CWC27: variants seen among roughly 807,000 people sequenced by gnomAD.
The protein encoded by CWC27 is spliceosome-associated protein CWC27 homolog.
CWC27 carries 47 observed loss-of-function variants against 63.6 expected under a neutral mutation model. The observed-to-expected ratio is 0.74, with a 90% confidence interval of 0.58 to 0.94. The LOEUF is 0.94. Among genes scored for constraint, CWC27 ranks in the 40% least tolerant of loss-of-function variants. CWC27 has a pLI of 0.00. For synonymous variants in CWC27, 175 were observed against 179.8 expected, an observed-to-expected ratio of 0.97 and a Z score of 0.22; for missense variants, 495 against 554.3, an observed-to-expected ratio of 0.89 and a Z score of 1.07.
At chr5:64,858,137 CAAAAA>C (rs529762534) in intron 10 of CWC27, among the ~76,000 whole-genome samples, 1 of 23,092 alleles carries the variant, frequency 4.3e-5, no homozygotes, top group African/African-American at 1.9e-4. Context: ...GACTCCGTCT[CAAAAA>C]AAAAAAAAAA....
intron 11 of CWC27, among the ~76,000 whole-genome samples, chr5:64,891,248 A>G (rs1349360077): frequency 6.6e-6 from 1 of 152,166 alleles, no homozygotes; most frequent in Non-Finnish European, 1.5e-5. Flanking sequence ...TAATCAATTA[A>G]AGATAAAGTT....
chr5:64,832,413 CT>C (rs748529556), intron 10 of CWC27, among the ~76,000 whole-genome samples: 11 of 149,158 alleles, frequency 7.4e-5, no homozygotes, highest in South Asian at 2.1e-4. Context: ...AATAGTTTGT[CT>C]TTTTTTTTTA....
intron 13 of CWC27, among the ~76,000 whole-genome samples, chr5:64,989,220 T>C (rs1327801311): frequency 6.6e-6 from 1 of 152,210 alleles, no homozygotes; most frequent in African/African-American, 2.4e-5. Context: ...CTACCATTTT[T>C]CCAAACCCCT....
At chr5:64,985,260 G>A (rs940165451) in intron 13 of CWC27, among the ~76,000 whole-genome samples, 1 of 151,402 alleles carries the variant, frequency 6.6e-6, no homozygotes, top group Admixed American at 6.6e-5. Flanking sequence ...TAGTTCTTTT[G>A]CCCTTTCCAT....
chr5:64,980,783 A>G (rs896486651), intron 13 of CWC27, among the ~76,000 whole-genome samples: 1 of 152,190 alleles, frequency 6.6e-6, no homozygotes, highest in African/African-American at 2.4e-5. Context: ...TTTACTGATT[A>G]TTATATAACT....
chr5:64,908,740 A>T (rs1747717513), intron 11 of CWC27, among the ~76,000 whole-genome samples: 1 of 152,074 alleles, frequency 6.6e-6, no homozygotes, highest in South Asian at 2.1e-4. Flanking sequence ...TGCTTGGTAG[A>T]TCTTCCTCCA....
intron 10 of CWC27, among the ~76,000 whole-genome samples, chr5:64,851,708 A>C (rs1438551807): frequency 6.6e-6 from 1 of 152,218 alleles, no homozygotes; most frequent in Non-Finnish European, 1.5e-5. Flanking sequence ...AAAATACTAG[A>C]AAATGTTTGA....
At chr5:65,014,419 T>A (rs1750016494) in intron 13 of CWC27, among the ~76,000 whole-genome samples, 1 of 150,758 alleles carries the variant, frequency 6.6e-6, no homozygotes, top group Admixed American at 6.6e-5. Context: ...ATAAAGTCAA[T>A]GTTATTTGAG....
At chr5:64,817,725 C>T (rs1745082158) in intron 10 of CWC27, among the ~76,000 whole-genome samples, 1 of 151,972 alleles carries the variant, frequency 6.6e-6, no homozygotes, top group African/African-American at 2.4e-5. Flanking sequence ...GATATTTGAT[C>T]TCTCCTCCCT....
At chr5:64,843,760 T>G (rs1226344955) in intron 10 of CWC27, among the ~76,000 whole-genome samples, 1 of 152,188 alleles carries the variant, frequency 6.6e-6, no homozygotes, top group East Asian at 1.9e-4. Context: ...TTAACAGAAT[T>G]TTTTATAGTG....
At chr5:64,820,853 G>C (rs1292739152) in intron 10 of CWC27, among the ~76,000 whole-genome samples, 1 of 151,838 alleles carries the variant, frequency 6.6e-6, no homozygotes, top group African/African-American at 2.4e-5. Flanking sequence ...TATGAACTTG[G>C]GGTTTGACAG....
chr5:64,816,673 C>T (rs776351146), intron 10 of CWC27, among the ~76,000 whole-genome samples: 4 of 152,070 alleles, frequency 2.6e-5, no homozygotes, highest in Admixed American at 2.6e-4. Context: ...GATAAACTAC[C>T]TTTCAGGTTG....
intron 11 of CWC27, among the ~76,000 whole-genome samples, chr5:64,903,238 C>T (rs1747547379): frequency 6.6e-6 from 1 of 152,150 alleles, no homozygotes; most frequent in African/African-American, 2.4e-5. Context: ...ATGTTTATTG[C>T]AGCACTATTT....
chr5:64,913,759 A>G (rs1007895888), intron 11 of CWC27, among the ~76,000 whole-genome samples: 1 of 152,070 alleles, frequency 6.6e-6, no homozygotes, highest in African/African-American at 2.4e-5. Flanking sequence ...TCAGTACTGT[A>G]AAGATATTTC....
intron 13 of CWC27, among the ~76,000 whole-genome samples, chr5:65,005,152 C>G (rs983727702): frequency 2.6e-5 from 4 of 151,782 alleles, no homozygotes; most frequent in Admixed American, 6.6e-5. Flanking sequence ...GCAGGCAGGG[C>G]AGGCCTGTCC....
Position 64,961,322 on chromosome 5 carries a change from T to A in CWC27, c.1043-10381T>A, listed in dbSNP as rs567383625. Among the ~76,000 whole-genome samples, 20 of 152,310 alleles carry A rather than the reference T, an allele frequency of 1.3e-4. No homozygotes were observed. In the South Asian group the frequency reaches 4.1e-3, roughly 32 times the overall value. On this transcript the variant is annotated intron_variant, in intron 11 of 13. Transcript: ENST00000381070. ...ATCAACAGGAAGTTAGATTAGAAGA[T>A]CCTCAAGCTACTTCCTAGCTCTTGT...
At chr5:64,964,295 A>G (rs760250263) in intron 11 of CWC27, among the ~76,000 whole-genome samples, 1 of 152,320 alleles carries the variant, frequency 6.6e-6, no homozygotes, top group East Asian at 1.9e-4. Context: ...TAGCAAAATG[A>G]TATGTCTGAG....
chr5:64,957,899 T>C (rs192469280), intron 11 of CWC27, among the ~76,000 whole-genome samples: 270 of 152,268 alleles, frequency 1.8e-3, no homozygotes, highest in South Asian at 4.4e-3. Flanking sequence ...CTTAACATGT[T>C]AGGTAAGATT....
chr5:64,992,741 G>A (rs548895175), intron 13 of CWC27, among the ~76,000 whole-genome samples: 17 of 149,428 alleles, frequency 1.1e-4, no homozygotes, highest in African/African-American at 3.9e-4. Context: ...CACCATATTA[G>A]CCAGGATGGT....
Sources: allele counts gnomAD v4.1 joint callset (sites outside exome capture counted in the v4.1 genomes callset), GRCh38; gene constraint gnomAD v4.1.1; transcripts MANE v1.5; gene names NCBI Gene and HGNC (gene_info 2026-07-23, HGNC 2026-07-21).